KIF13B: variants seen among roughly 807,000 people sequenced by gnomAD.
KIF13B encodes kinesin-like protein KIF13B.
In KIF13B, 127 loss-of-function variants were observed where a neutral mutation model predicts 222.0. The ratio of observed to expected loss-of-function variants is 0.57; its 90% CI spans 0.50 to 0.66. The LOEUF (loss-of-function observed/expected upper bound fraction) is 0.66. KIF13B is among the 30% of genes least tolerant of loss of function. The probability of loss-of-function intolerance (pLI) is 0.00; values close to 1 mark genes in which losing one functional copy is unlikely to be tolerated. For missense variants in KIF13B, 2,173 were observed against 2,379.0 expected (o/e 0.91, Z 1.80); for synonymous variants, 976 against 919.0 (o/e 1.06, Z -1.12).
At chr8:29,089,181 A>T (rs1425144917) in intron 37 of KIF13B, among the ~76,000 whole-genome samples, 2 of 152,250 alleles carry the variant, frequency 1.3e-5, no homozygotes, top group African/African-American at 2.4e-5. Flanking sequence ...TCACGCCTAT[A>T]ATCCCAGCCA....
At chr8:29,246,910 G>A (rs1586982660) in intron 1 of KIF13B, among the ~76,000 whole-genome samples, 1 of 152,320 alleles carries the variant, frequency 6.6e-6, no homozygotes, top group East Asian at 1.9e-4. Flanking sequence ...AAAGAATGAA[G>A]TTGGATCCCT....
chr8:29,191,273 A>C (rs573995239), intron 3 of KIF13B, among the ~76,000 whole-genome samples: 4 of 152,222 alleles, frequency 2.6e-5, no homozygotes, highest in Non-Finnish European at 5.9e-5. Flanking sequence ...TGTGTAATAA[A>C]ATGGCTATTG....
At chr8:29,129,790 T>C (rs2129814374) in intron 24 of KIF13B, among the ~76,000 whole-genome samples, 1 of 152,358 alleles carries the variant, frequency 6.6e-6, no homozygotes, top group South Asian at 2.1e-4. Flanking sequence ...TTCTGGCATG[T>C]GTATCTACCC....
intron 2 of KIF13B, among the ~76,000 whole-genome samples, chr8:29,221,485 A>G (rs2130530258): frequency 6.6e-6 from 1 of 152,056 alleles, no homozygotes; most frequent in East Asian, 1.9e-4. Flanking sequence ...AAAAAAGGAA[A>G]GAAAAAGCAG....
At chr8:29,216,755 T>C (rs1360518064) in intron 2 of KIF13B, among the ~76,000 whole-genome samples, 1 of 152,212 alleles carries the variant, frequency 6.6e-6, no homozygotes, top group African/African-American at 2.4e-5. Flanking sequence ...AATTATCTTA[T>C]TTGGACTGTT....
intron 37 of KIF13B, among the ~76,000 whole-genome samples, chr8:29,086,166 C>T (rs531901224): frequency 6.6e-6 from 1 of 152,230 alleles, no homozygotes; most frequent in East Asian, 1.9e-4. Context: ...AAATCCAGAA[C>T]CAAGTACAGT....
intron 30 of KIF13B, 120 bp downstream of exon 30, chr8:29,118,748 G>C: frequency 4.1e-6 from 4 of 974,500 alleles, no homozygotes; most frequent in Non-Finnish European, 6.2e-6. Context: ...GAAAGGTTTT[G>C]CTTTATGTAT....
rs567969080 is a variant in KIF13B at position 29,140,414 on chromosome 8, T to A, written c.2484+54A>T. The A allele has an allele frequency of 1.1e-5, 17 of 1,560,544 alleles. No homozygotes were observed. In the South Asian group the frequency reaches 2.0e-4, roughly 18 times the overall value. The stretch of plus-strand genomic sequence containing the variant: ...TAGCAACAATATCCCATCACCACCC[T>A]CTTGTTTCTTAAACTATTCTCTACA... On this transcript the variant is annotated intron_variant, in intron 20 of 39. Coordinates refer to ENST00000524189, the MANE Select transcript of KIF13B (RefSeq NM_015254.4).
At chr8:29,079,689 T>C (rs1046491074) in intron 37 of KIF13B, among the ~76,000 whole-genome samples, 1 of 152,250 alleles carries the variant, frequency 6.6e-6, no homozygotes, top group Non-Finnish European at 1.5e-5. Context: ...TTGAATTTTC[T>C]GATGCATATT....
chr8:29,084,629 C>T (rs1807961855), intron 37 of KIF13B, among the ~76,000 whole-genome samples: 1 of 152,152 alleles, frequency 6.6e-6, no homozygotes, highest in Admixed American at 6.5e-5. Context: ...GACCATTAAC[C>T]CTTTAATTCT....
intron 14 of KIF13B, among the ~76,000 whole-genome samples, chr8:29,154,399 A>AGAGGG (rs1178014149): frequency 1.3e-5 from 2 of 151,800 alleles, no homozygotes; most frequent in African/African-American, 2.4e-5. Context: ...GCAGAGGGGA[A>AGAGGG]GAGGGGAGGG....
rs942096108 is a variant in KIF13B, at chr8:29,134,094, G to A, written c.2730C>T (p.Ser910=). The part of the protein sequence containing the change: ...PVIVAPEVDT[S]SSSVSKEPHC... ...GCGGCTCCTTGCTGACGGAAGAGGAGGAGGTGTCCACTTCAGGAGCGACAA... is the reference window on the plus strand; with the variant it reads ...GCGGCTCCTTGCTGACGGAAGAGGAAGAGGTGTCCACTTCAGGAGCGACAA... Residue 910 remains serine, a synonymous_variant, in exon 22 of 40, where the codon TCC becomes TCT. Coordinates refer to ENST00000524189, the MANE Select transcript of KIF13B (RefSeq NM_015254.4). The A allele has an allele frequency of 5.0e-6, 8 of 1,613,882 alleles. No individual in the cohort carries two copies. The African/African-American group carries it at 1.1e-4, about 22-fold the overall frequency.
intron 37 of KIF13B, among the ~76,000 whole-genome samples, chr8:29,088,563 C>G (rs6420164): frequency 0.63 from 96,307 of 152,000 alleles, 31,185 homozygotes; most frequent in Non-Finnish European, 0.69. Flanking sequence ...ACTTCACATT[C>G]TAGTGAAGTT....
At chr8:29,197,980 C>G (rs1813516100) in intron 2 of KIF13B, among the ~76,000 whole-genome samples, 1 of 152,200 alleles carries the variant, frequency 6.6e-6, no homozygotes, top group Non-Finnish European at 1.5e-5. Flanking sequence ...TGAAAGGAAA[C>G]TGTACATGAA....
rs1816128682 is a variant in KIF13B at position 29,248,363 on chromosome 8, G to A, written c.56-2924C>T. Among the ~76,000 whole-genome samples the A allele has an allele frequency of 3.9e-5, 6 of 152,124 alleles. No individual in the cohort carries two copies. In the South Asian group the frequency reaches 1.0e-3, roughly 26 times the overall value. ...ACTACTGAGCAAAAAAACGAATGAA[G>A]AACTGTATTAGTCCATTTTCACACT... On this transcript the variant is annotated intron_variant, in intron 1 of 39. Transcript: ENST00000524189.
At position 29,092,763 on chromosome 8, in the gene KIF13B, C is replaced by G. The variant is rs17059670; in HGVS notation, c.4440G>C (p.Pro1480=). Residue 1480 remains proline (P), a synonymous_variant, in exon 37 of 40, where the codon CCG becomes CCC. Coordinates refer to ENST00000524189, the MANE Select transcript of KIF13B (RefSeq NM_015254.4). ...TTTTTACCTGGTGTGCGAGGGGAGA[C>G]GGCCGCTTGCCCCTCTTCTCATCGC... is the stretch of plus-strand genomic sequence containing the variant. ...PVRDEKRGKR[P]SPLAHQPVPR... 3 of 1,612,502 alleles carry G rather than the reference C, an allele frequency of 1.9e-6. No homozygotes were observed. The African/African-American group carries it at 4.0e-5, about 22-fold the overall frequency.
At chr8:29,194,072 C>T (rs1813309737) in intron 3 of KIF13B, among the ~76,000 whole-genome samples, 1 of 151,700 alleles carries the variant, frequency 6.6e-6, no homozygotes, top group East Asian at 1.9e-4. Flanking sequence ...GATCCGCTGG[C>T]CTCCGCCTCC....
chr8:29,120,166 G>GTTTTTTTTTTTT (rs57731633), intron 29 of KIF13B, among the ~76,000 whole-genome samples: 1 of 102,378 alleles, frequency 9.8e-6, no homozygotes, highest in Non-Finnish European at 2.0e-5. Context: ...AAAAATGACA[G>GTTTTTTTTTTTT]TTTTTTTTTT....
rs1354529304 is a variant in KIF13B at position 29,123,449 on chromosome 8, C to A, written c.3396G>T (p.Glu1132Asp). 1 of 1,614,066 alleles carries A rather than the reference C, an allele frequency of 6.2e-7. No homozygotes were observed. The highest frequency in any genetic ancestry group is 1.6e-4 in the Middle Eastern group (1 of 6,062). ...TCTCCTCAGTTAGGGTCAACCGCAT[C>A]TCCAGAAGCTGCGCTTCACGGTCAG... ...DDADREAQLL[E>D]MRLTLTEERN... The change falls in exon 28 of 40, where the codon GAG becomes GAT. Residue 1132 changes from glutamate (E) to aspartate (D), a missense_variant. By Grantham distance (45) the Glu-to-Asp change is conservative. Transcript: ENST00000524189.
Sources: allele counts gnomAD v4.1 joint callset (sites outside exome capture counted in the v4.1 genomes callset), GRCh38; gene constraint gnomAD v4.1.1; transcripts MANE v1.5; gene names NCBI Gene and HGNC (gene_info 2026-07-23, HGNC 2026-07-21).